The following PMPCB variants were observed in gnomAD, a reference collection of about 807,000 sequenced individuals.
PMPCB encodes peptidase, mitochondrial processing subunit beta.
A neutral mutation model predicts 61.5 loss-of-function variants in PMPCB; 46 were observed. The observed-to-expected ratio is 0.75, with a 90% CI of 0.59 to 0.96. The LOEUF is 0.96. Among genes scored for constraint, PMPCB ranks in the 40% least tolerant of loss-of-function variants. PMPCB has a pLI of 0.00. For synonymous variants in PMPCB, 191 were observed against 201.6 expected (o/e 0.95, Z 0.44); for missense variants, 590 against 602.4 (o/e 0.98, Z 0.22).
intron 9 of PMPCB, 199 bp downstream of exon 9, chr7:103,310,674 ATTTTT>A (rs377252653): frequency 2.1e-4 from 34 of 158,544 alleles, no homozygotes; most frequent in South Asian, 6.7e-4. Context: ...ATACTATAGA[ATTTTT>A]TTTTTTTTTT....
At position 103,313,934 on chromosome 7, in the gene PMPCB, CAGT is replaced by C. The variant is rs1817899991; in HGVS notation, c.*1666_*1668del. 1 of 985,290 alleles carries C rather than the reference CAGT, an allele frequency of 1.0e-6. No individual in the cohort carries two copies. The highest frequency in any genetic ancestry group is 1.2e-6 in the Non-Finnish European group (1 of 829,858). 61.0% of individuals were successfully genotyped at this position (985,290 alleles called of 1,614,324 possible). On this transcript the variant is annotated 3_prime_UTR_variant, in exon 13 of 13. Transcript: ENST00000249269. ...CAGTGACAACACAGACTAATACTACCAGTAGCCTGACTACTACTAGAAACTGCG... is the reference window on the plus strand; with the variant it reads ...CAGTGACAACACAGACTAATACTACCAGCCTGACTACTACTAGAAACTGCG...
downstream of PMPCB, among the ~76,000 whole-genome samples, chr7:103,334,074 G>A (rs1819073796): frequency 6.6e-6 from 1 of 151,406 alleles, no homozygotes; most frequent in South Asian, 2.1e-4. Context: ...CCTCAGCCAC[G>A]CGAGTAGCTG....
intron 4 of PMPCB, among the ~76,000 whole-genome samples, chr7:103,302,424 C>T (rs1280142292): frequency 1.3e-5 from 2 of 152,052 alleles, no homozygotes; most frequent in East Asian, 1.9e-4. Flanking sequence ...AATAGGAGCC[C>T]CCCTCCCTGC....
intron 4 of PMPCB, among the ~76,000 whole-genome samples, chr7:103,303,279 G>A (rs942605085): frequency 6.6e-6 from 1 of 152,156 alleles, no homozygotes; most frequent in African/African-American, 2.4e-5. Flanking sequence ...ACCACACGAA[G>A]CTAATTTTTG....
chr7:103,308,832 T>G (rs1817659781), intron 7 of PMPCB, 120 bp from the exon 8 acceptor site: 1 of 646,998 alleles, frequency 1.5e-6, no homozygotes, highest in Admixed American at 3.2e-5. Flanking sequence ...AAAATCAAAA[T>G]AGAGTCCTGG....
downstream of PMPCB, among the ~76,000 whole-genome samples, chr7:103,333,677 G>A (rs1233260064): frequency 6.6e-6 from 1 of 152,142 alleles, no homozygotes; most frequent in African/African-American, 2.4e-5. Flanking sequence ...TCCTCTACCA[G>A]CTGAGGCAAC....
At chr7:103,332,855 C>T (rs975399222), downstream of PMPCB, among the ~76,000 whole-genome samples, 2 of 152,140 alleles carry the variant, frequency 1.3e-5, no homozygotes, top group African/African-American at 4.8e-5. Flanking sequence ...AACTACAGAG[C>T]TCAAACAATC....
chr7:103,344,669 G>C, the PMPCB span: 55 of 1,593,166 alleles, frequency 3.5e-5, no homozygotes, highest in Non-Finnish European at 4.4e-5. Flanking sequence ...CACGTCCCGG[G>C]CGGAGGGCGC....
At chr7:103,341,948 G>A in the PMPCB span, 4 of 1,579,648 alleles carry the variant, frequency 2.5e-6, no homozygotes, top group South Asian at 1.2e-5. Flanking sequence ...TTGACAGAGT[G>A]TAGAGGCTGT....
chr7:103,324,472 A>G (rs758346301), intron 12 of PMPCB: 1 of 1,484,458 alleles, frequency 6.7e-7, no homozygotes, highest in Non-Finnish European at 9.1e-7. Context: ...CAAACAGTAT[A>G]TTCACTTACC....
At position 103,310,347 on chromosome 7, in the gene PMPCB, T is replaced by C; in HGVS notation, c.1026T>C (p.Cys342=). 6.2e-7 allele frequency: 1 copy of C among 1,613,652 alleles called. No homozygotes were observed. Among genetic ancestry groups the C allele is most frequent in the Middle Eastern group, 1.7e-4 (1 of 6,060 alleles). The change falls in exon 9 of 13, where the codon TGT becomes TGC. Residue 342 remains cysteine (C), a synonymous_variant. Coordinates refer to ENST00000249269, the MANE Select transcript of PMPCB (RefSeq NM_004279.3). Reference sequence around the variant, plus strand: ...CTAGCAAGCTGGCCCAGCTCACTTGTCATGGCAATCTTTGCCATAGCTTTC... The same window carrying C: ...CTAGCAAGCTGGCCCAGCTCACTTGCCATGGCAATCTTTGCCATAGCTTTC... ...NLSSKLAQLT[C]HGNLCHSFQS...
At position 103,313,796 on chromosome 7, in the gene PMPCB, G is replaced by T; in HGVS notation, c.*1525G>T. 1 of 985,308 alleles carries T rather than the reference G, an allele frequency of 1.0e-6. No individual in the cohort carries two copies. The highest frequency in any genetic ancestry group is 1.2e-6 in the Non-Finnish European group (1 of 829,842). 61.0% of individuals were successfully genotyped at this position (985,308 alleles called of 1,614,324 possible). Reference sequence around the variant, plus strand: ...GTCAGAAACAAATATGTTTCTTAAGGATGTTAAGTATTACACAGTCCACTT... The same window carrying T: ...GTCAGAAACAAATATGTTTCTTAAGTATGTTAAGTATTACACAGTCCACTT... On this transcript the variant is annotated 3_prime_UTR_variant, in exon 13 of 13. Coordinates refer to ENST00000249269, the MANE Select transcript of PMPCB (RefSeq NM_004279.3).
At chr7:103,309,138 TATC>T (rs1817669747) in intron 8 of PMPCB, 43 bp downstream of exon 8, 2 of 1,486,866 alleles carry the variant, frequency 1.3e-6, no homozygotes, top group African/African-American at 2.8e-5. Context: ...GATGGAAGAT[TATC>T]ATGTTTTCTT....
chr7:103,319,099 C>G (rs1305130434), downstream of PMPCB, among the ~76,000 whole-genome samples: 2 of 152,030 alleles, frequency 1.3e-5, no homozygotes, highest in African/African-American at 4.8e-5. Context: ...GTAATCCCAC[C>G]CGCACTCCAG....
Position 103,313,578 on chromosome 7 carries a change from C to T in PMPCB, c.*1307C>T. The T allele has an allele frequency of 1.0e-6, 1 of 981,516 alleles. No individual in the cohort carries two copies. The highest frequency in any genetic ancestry group is 1.7e-5 in the African/African-American group (1 of 57,226). The allele number at this position is 981,516 out of a possible 1,614,324, so 60.8% of individuals were successfully genotyped here. A position where few individuals can be genotyped will look rare whatever the true frequency, so the allele number is the denominator to read the frequency against. On this transcript the variant is annotated 3_prime_UTR_variant, in exon 13 of 13. Transcript: ENST00000249269. ...CTTGTTTTACACTGAAGGAAACAAA[C>T]CTAGCAAAATTAAGCCAAGTGCCCA...
Position 103,312,434 on chromosome 7 carries a change from GTC to G in PMPCB, c.*164_*165del, listed in dbSNP as rs1294729171. 8.6e-6 allele frequency: 13 copies of G among 1,512,766 alleles called. No individual in the cohort carries two copies. The highest frequency in any genetic ancestry group is 1.4e-5 in the African/African-American group (1 of 70,988). 93.7% of individuals were successfully genotyped at this position (1,512,766 alleles called of 1,614,324 possible). A position where few individuals can be genotyped will look rare whatever the true frequency, so the allele number is the denominator to read the frequency against. Reference sequence around the variant, plus strand: ...CTCTGAAGGTTGTTTTGTATTAATGGTCAGTCTTTGTTCTCTGAGAAATTATG... The same window carrying G: ...CTCTGAAGGTTGTTTTGTATTAATGGAGTCTTTGTTCTCTGAGAAATTATG... On this transcript the variant is annotated 3_prime_UTR_variant, in exon 13 of 13. Coordinates refer to ENST00000249269, the MANE Select transcript of PMPCB (RefSeq NM_004279.3).
chr7:103,339,870 C>T, the PMPCB span, among the ~76,000 whole-genome samples: 1 of 152,096 alleles, frequency 6.6e-6, no homozygotes, highest in Admixed American at 6.6e-5. Context: ...TAGAGTTTTG[C>T]TCTTGTTGCC....
At chr7:103,318,170 T>C (rs79934355), downstream of PMPCB, among the ~76,000 whole-genome samples, 1 of 151,246 alleles carries the variant, frequency 6.6e-6, no homozygotes, top group African/African-American at 2.4e-5. Flanking sequence ...ATTTTTTTTT[T>C]GTCTGTTTTT....
chr7:103,326,875 CCTT>C (rs1314628186), intron 12 of PMPCB, among the ~76,000 whole-genome samples: 6 of 152,082 alleles, frequency 3.9e-5, no homozygotes, highest in African/African-American at 1.2e-4. Flanking sequence ...GGACTTAACT[CCTT>C]CTTTATTTTT....
Sources: allele counts gnomAD v4.1 joint callset (sites outside exome capture counted in the v4.1 genomes callset), GRCh38; gene constraint gnomAD v4.1.1; transcripts MANE v1.5; gene names NCBI Gene and HGNC (gene_info 2026-07-23, HGNC 2026-07-21).